Variants in CEP41 observed in about 807,000 individuals in gnomAD.
The protein encoded by CEP41 is centrosomal protein 41, also known as centrosomal protein of 41 kDa.
A neutral mutation model predicts 44.3 loss-of-function variants in CEP41; 32 were observed. That is an observed-to-expected ratio of 0.72 (90% CI 0.54 to 0.97). The LOEUF (loss-of-function observed/expected upper bound fraction) is 0.97, where lower values mean the gene tolerates loss of function less well. CEP41 is among the 50% of genes least tolerant of loss of function. The pLI is 0.00. For synonymous variants in CEP41, 151 were observed against 168.5 expected (o/e 0.90, Z 0.80); for missense variants, 432 against 455.2 (o/e 0.95, Z 0.46).
In CEP41 at chr7:130,419,917, T is replaced by C. The variant is rs1055505472; in HGVS notation, c.98-2951A>G. ...CACTGTATTGTCTTACCTACCTTACTAGACAGAAAGCCAAGGACTATTTAT... is the reference window on the plus strand; with the variant it reads ...CACTGTATTGTCTTACCTACCTTACCAGACAGAAAGCCAAGGACTATTTAT... On this transcript the variant is annotated intron_variant, in intron 2 of 10. Coordinates refer to ENST00000223208, the MANE Select transcript of CEP41 (RefSeq NM_018718.3). 12 of 985,116 alleles carry C rather than the reference T, an allele frequency of 1.2e-5. No individual in the cohort carries two copies. The African/African-American group carries it at 1.2e-4, about 10-fold the overall frequency. The allele number at this position is 985,116 out of a possible 1,614,324, so 61.0% of individuals were successfully genotyped here.
intron 1 of CEP41, among the ~76,000 whole-genome samples, chr7:130,437,764 C>CAAAAAAAAAAAAAAAAAAAAAA (rs1171735164): frequency 9.3e-5 from 3 of 32,408 alleles, no homozygotes; most frequent in Non-Finnish European, 1.8e-4. Context: ...AAGACTGTCT[C>CAAAAAAAAAAAAAAAAAAAAAA]AAAAAAAAAA....
At position 130,437,682 on chromosome 7, in the gene CEP41, A is replaced by C. The variant is rs577277899; in HGVS notation, c.33+3252T>G. Among the ~76,000 whole-genome samples, 5 of 144,936 alleles carry C rather than the reference A, an allele frequency of 3.4e-5. No homozygotes were observed. In the South Asian group the frequency reaches 1.1e-3, roughly 32 times the overall value. On this transcript the variant is annotated intron_variant, in intron 1 of 10. Transcript: ENST00000223208. ...CAGCTACTCAGGAAGTGGGAGAATC[A>C]TTTGAGCCCAGGAGGTCAAGGATAT...
intron 2 of CEP41, 49 bp downstream of exon 2, chr7:130,427,906 A>C (rs782373844): frequency 7.9e-7 from 1 of 1,269,950 alleles, no homozygotes; most frequent in Admixed American, 1.7e-5. Context: ...TTCTGTCAAT[A>C]ATTAGCTATT....
At chr7:130,426,873 C>T (rs1041790219) in intron 2 of CEP41, 1 of 258,114 alleles carries the variant, frequency 3.9e-6, no homozygotes, top group Non-Finnish European at 7.7e-6. Flanking sequence ...ACAAAATCCC[C>T]GTGCCACAAT....
At position 130,401,933 on chromosome 7, in the gene CEP41, A is replaced by G; in HGVS notation, c.590T>C (p.Ile197Thr). 2 of 1,609,932 alleles carry G rather than the reference A, an allele frequency of 1.2e-6. No homozygotes were observed. The highest frequency in any genetic ancestry group is 1.7e-6 in the Non-Finnish European group (2 of 1,176,216). Residue 197 changes from isoleucine (I) to threonine (T), a missense_variant, in exon 8 of 11, where the codon ATT (isoleucine) becomes ACT (threonine). By Grantham distance (89) the Ile-to-Thr change is moderately conservative. Transcript: ENST00000223208. ...GTTCATTGTTCTAGACAGAGTTGCA[A>G]TTGGGTAACTGTAAGCTGCAAAGAG... The part of the protein sequence containing the change: ...CHIVGAYSYP[I>T]ATLSRTMNPY...
At chr7:130,418,581 T>C (rs1797406760) in intron 2 of CEP41, among the ~76,000 whole-genome samples, 1 of 152,202 alleles carries the variant, frequency 6.6e-6, no homozygotes, top group Admixed American at 6.5e-5. Context: ...GTAGTTTCTT[T>C]CGGCTAGGGA....
chr7:130,434,973 C>T lies in CEP41; in HGVS notation c.33+5961G>A, dbSNP rs1056812578. Among the ~76,000 whole-genome samples, 5 of 152,148 alleles carry T rather than the reference C, an allele frequency of 3.3e-5. No individual in the cohort carries two copies. The East Asian group carries it at 7.7e-4, about 23-fold the overall frequency. On this transcript the variant is annotated intron_variant, in intron 1 of 10. Transcript: ENST00000223208. ...AATAAACAAAACTGTGATACAACCA[C>T]ACCAAATACTTAGGTAAGAGTTAAA...
Position 130,398,981 on chromosome 7 carries a change from G to A in CEP41, c.1032C>T (p.Ser344=), listed in dbSNP as rs189895981. 1.8e-5 allele frequency: 29 copies of A among 1,614,216 alleles called. No individual in the cohort carries two copies. In the East Asian group the frequency reaches 3.1e-4, roughly 17 times the overall value. Residue 344 remains serine, a synonymous_variant, in exon 11 of 11, where the codon AGC becomes AGT. Transcript: ENST00000223208. The part of the protein sequence containing the change: ...GRESKVPGAR[S]AQNLPGGGPA... ...GGCCGCCACCTGGCAGATTCTGAGC[G>A]CTTCGGGCACCAGGCACCTTGGACT...
rs1796592197 is a variant in CEP41 at position 130,394,033 on chromosome 7, T to C, written c.*4858A>G. 2.2e-6 allele frequency: 1 copy of C among 453,950 alleles called. No homozygotes were observed. Among genetic ancestry groups the C allele is most frequent in the Non-Finnish European group, 4.4e-6 (1 of 226,786 alleles). 28.1% of individuals were successfully genotyped at this position (453,950 alleles called of 1,614,324 possible). On this transcript the variant is annotated 3_prime_UTR_variant, in exon 11 of 11. Coordinates refer to ENST00000223208, the MANE Select transcript of CEP41 (RefSeq NM_018718.3). ...GTTCCTGAATTTCCATCGCCTTTTG[T>C]GCAGGCAAGCGGAGGAAAGTTTTCA...
chr7:130,432,588 C>CAAA lies in CEP41; in HGVS notation c.34-4573_34-4571dup, dbSNP rs56874452. 7.7e-3 allele frequency among the ~76,000 whole-genome samples: 445 copies of CAAA among 58,048 alleles called. 5 individuals are homozygous for CAAA. The highest frequency in any genetic ancestry group is 0.018 in the African/African-American group (255 of 14,332). 38.1% of individuals were successfully genotyped at this position (58,048 alleles called of 152,430 possible). ...GCAACACAGGGAAACTTTGTTTCCA[C>CAAA]AAAAAAAAAAAAAAAAAAAAAAAAA... is the stretch of plus-strand genomic sequence containing the variant. On this transcript the variant is annotated intron_variant, in intron 1 of 10. Coordinates refer to ENST00000223208, the MANE Select transcript of CEP41 (RefSeq NM_018718.3).
At chr7:130,438,483 C>T (rs556085471) in intron 1 of CEP41, among the ~76,000 whole-genome samples, 3 of 152,036 alleles carry the variant, frequency 2.0e-5, no homozygotes, top group South Asian at 4.2e-4. Context: ...TGCTTGAGCC[C>T]GGGAGGTGGA....
chr7:130,396,712 G>T lies in CEP41; in HGVS notation c.*2179C>A, dbSNP rs781978193. The T allele has an allele frequency of 2.2e-6, 1 of 454,502 alleles. No homozygotes were observed. Among genetic ancestry groups the T allele is most frequent in the South Asian group, 1.6e-5 (1 of 64,478 alleles). The allele number at this position is 454,502 out of a possible 1,614,324, so 28.2% of individuals were successfully genotyped here. On this transcript the variant is annotated 3_prime_UTR_variant, in exon 11 of 11. Transcript: ENST00000223208. ...CACTTAACATGCAAAACGCAGATTA[G>T]AACAGCTCTTTTGAGCATGGTTATT...
intron 3 of CEP41, among the ~76,000 whole-genome samples, chr7:130,414,129 T>C (rs1329404089): frequency 6.6e-6 from 1 of 152,174 alleles, no homozygotes; most frequent in Non-Finnish European, 1.5e-5. Context: ...CTTCTGTAAA[T>C]ATATCAAGGC....
chr7:130,433,852 G>A (rs1797890513), intron 1 of CEP41, among the ~76,000 whole-genome samples: 1 of 152,314 alleles, frequency 6.6e-6, no homozygotes, highest in Admixed American at 6.5e-5. Context: ...CTCTACTAAT[G>A]AGAGAGCAAC....
At chr7:130,439,586 C>T (rs561793558) in intron 1 of CEP41, among the ~76,000 whole-genome samples, 72 of 152,250 alleles carry the variant, frequency 4.7e-4, no homozygotes, top group East Asian at 3.1e-3. Context: ...CTTCTATGAG[C>T]TGGACTTTTT....
chr7:130,400,666 A>T, intron 9 of CEP41, 41 bp downstream of exon 9: 1 of 1,207,224 alleles, frequency 8.3e-7, no homozygotes, highest in Non-Finnish European at 1.2e-6. Context: ...CTGAAGGATG[A>T]TCAGCCTTTG....
chr7:130,408,355 C>G (rs1797074570), intron 5 of CEP41, among the ~76,000 whole-genome samples: 1 of 151,844 alleles, frequency 6.6e-6, no homozygotes, highest in Non-Finnish European at 1.5e-5. Flanking sequence ...CTCCGTTGTA[C>G]AAAGATATCA....
chr7:130,409,181 A>C (rs113625956), intron 5 of CEP41, among the ~76,000 whole-genome samples: 48 of 152,264 alleles, frequency 3.2e-4, no homozygotes, highest in African/African-American at 9.9e-4. Context: ...GCCAATATGC[A>C]TACAGATACA....
chr7:130,441,165 G>T, upstream of CEP41: 1 of 709,706 alleles, frequency 1.4e-6, no homozygotes, highest in Non-Finnish European at 2.5e-6. Flanking sequence ...CTCAATGGTT[G>T]CCAAGGGCAA....
Sources: gnomAD v4.1 joint callset for allele counts (sites outside exome capture counted in the v4.1 genomes callset) on GRCh38, gnomAD v4.1.1 for gene constraint, MANE v1.5 for transcripts, NCBI Gene and HGNC (gene_info 2026-07-23, HGNC 2026-07-21) for gene names.